The following MAP7 variants were observed in gnomAD, a reference collection of about 807,000 sequenced individuals.
MAP7 encodes the protein microtubule associated protein 7, also known as ensconsin.
A neutral mutation model predicts 94.8 loss-of-function variants in MAP7; 52 were observed. The observed-to-expected ratio is 0.55, with a 90% CI of 0.44 to 0.69. The LOEUF is 0.69. Among genes scored for constraint, MAP7 ranks in the 30% least tolerant of loss-of-function variants. MAP7 has a pLI of 0.00. For synonymous variants in MAP7, 350 were observed against 357.0 expected (o/e 0.98, Z 0.22); for missense variants, 940 against 964.6 (o/e 0.97, Z 0.34).
chr6:136,522,253 CG>C (rs1230297242), intron 1 of MAP7, among the ~76,000 whole-genome samples: 1 of 152,076 alleles, frequency 6.6e-6, no homozygotes, highest in Non-Finnish European at 1.5e-5. Context: ...AAGCCCAGCT[CG>C]CTCCCAGTGA....
intron 1 of MAP7, among the ~76,000 whole-genome samples, chr6:136,449,567 C>T (rs1400611991): frequency 6.6e-6 from 1 of 152,220 alleles, no homozygotes; most frequent in Non-Finnish European, 1.5e-5. Context: ...GAACAGCTGG[C>T]TGCTGTGATT....
At chr6:136,421,653 C>T in intron 2 of MAP7, 48 bp downstream of exon 2, 1 of 1,489,752 alleles carries the variant, frequency 6.7e-7, no homozygotes, top group Non-Finnish European at 9.4e-7. Flanking sequence ...GCCTTTAGGG[C>T]ATAAAAGATA....
intron 7 of MAP7, among the ~76,000 whole-genome samples, chr6:136,373,627 T>G (rs908855487): frequency 2.6e-5 from 4 of 152,228 alleles, no homozygotes; most frequent in Admixed American, 6.5e-5. Flanking sequence ...TTTTCAGATC[T>G]CATTCAGAAA....
rs150711725 is a variant in MAP7, at chr6:136,527,242, A to T, written c.67+23100T>A. 5.3e-5 allele frequency among the ~76,000 whole-genome samples: 8 copies of T among 152,162 alleles called. No homozygotes were observed. The East Asian group carries it at 1.5e-3, about 29-fold the overall frequency. On this transcript the variant is annotated intron_variant, in intron 1 of 17. Coordinates refer to ENST00000354570, the MANE Select transcript of MAP7 (RefSeq NM_003980.6). ...CTGAAATAAGCTATCTCACTTTAAG[A>T]CTCTCCACTTCTAGACTGCTTAAAA...
chr6:136,400,124 A>G (rs1318680635), intron 3 of MAP7, among the ~76,000 whole-genome samples: 1 of 152,152 alleles, frequency 6.6e-6, no homozygotes, highest in Non-Finnish European at 1.5e-5. Flanking sequence ...TTTTAAAAAA[A>G]GGGGAAAATA....
intron 1 of MAP7, among the ~76,000 whole-genome samples, chr6:136,491,787 C>T (rs1331603270): frequency 6.6e-6 from 1 of 152,088 alleles, no homozygotes; most frequent in Non-Finnish European, 1.5e-5. Context: ...TAATCCTGCC[C>T]ACGTGATTGG....
At chr6:136,541,622 A>G (rs1182816820) in intron 1 of MAP7, among the ~76,000 whole-genome samples, 1 of 152,194 alleles carries the variant, frequency 6.6e-6, no homozygotes, top group Non-Finnish European at 1.5e-5. Context: ...CCTCTGTGCC[A>G]TCTGGTCAGG....
rs1554257991 is a variant in MAP7, at chr6:136,449,018, A to AG, written c.68-27220_68-27219insC. Among the ~76,000 whole-genome samples, 91 of 143,598 alleles carry AG rather than the reference A, an allele frequency of 6.3e-4. 1 individual carries two copies. The highest frequency in any genetic ancestry group is 6.5e-4 in the Non-Finnish European group (43 of 66,210). The allele number at this position is 143,598 out of a possible 152,430, so 94.2% of individuals were successfully genotyped here. On this transcript the variant is annotated intron_variant, in intron 1 of 17. Transcript: ENST00000354570. ...CAGTGGTGTTAAAAAAAAAAAAAAA[A>AG]AAGAAGCAAGCCAGGCACAGTGGCT...
intron 17 of MAP7, among the ~76,000 whole-genome samples, chr6:136,345,603 TGACA>T (rs1352753190): frequency 6.6e-6 from 1 of 152,216 alleles, no homozygotes; most frequent in Non-Finnish European, 1.5e-5. Flanking sequence ...GCAGAGAGGC[TGACA>T]GACACCCACT....
In MAP7 at chr6:136,361,187, AAG is replaced by A. The variant is rs1221307713; in HGVS notation, c.1527-10_1527-9del. On this transcript the variant is annotated splice_polypyrimidine_tract_variant and intron_variant, in intron 11 of 17. Coordinates refer to ENST00000354570, the MANE Select transcript of MAP7 (RefSeq NM_003980.6). ...AATTCCTCTCTCTTTTGTCTGGAAA[AAG>A]ACAGAACAAAACCAAAACCAAAGAC... The A allele has an allele frequency of 1.9e-6, 3 of 1,601,338 alleles. No homozygotes were observed. The highest frequency in any genetic ancestry group is 1.6e-4 in the Middle Eastern group (1 of 6,082).
chr6:136,401,981 C>G (rs945200843), intron 3 of MAP7, among the ~76,000 whole-genome samples: 11 of 152,190 alleles, frequency 7.2e-5, no homozygotes, highest in Non-Finnish European at 1.3e-4. Context: ...CCTCAAGAAA[C>G]AGACCTGAAG....
intron 2 of MAP7, among the ~76,000 whole-genome samples, chr6:136,416,863 A>G (rs1169278592): frequency 1.3e-5 from 2 of 151,960 alleles, no homozygotes; most frequent in Non-Finnish European, 2.9e-5. Flanking sequence ...TGTAATCCCA[A>G]CACTTTGGGA....
intron 1 of MAP7, among the ~76,000 whole-genome samples, chr6:136,511,049 T>A (rs1341371778): frequency 6.6e-6 from 1 of 152,066 alleles, no homozygotes; most frequent in Non-Finnish European, 1.5e-5. Context: ...CAAGTGAAGG[T>A]CATGCAGCAT....
rs5880296 is a variant in MAP7, at chr6:136,462,954, C to CAAAA, written c.68-41159_68-41156dup. ...TGGGCGACAGAGTGAGATCCTATCT[C>CAAAA]AAAAAAAAAAAAAAAAGAAAACAAA... On this transcript the variant is annotated intron_variant, in intron 1 of 17. Transcript: ENST00000354570. Among the ~76,000 whole-genome samples, 4 of 124,900 alleles carry CAAAA rather than the reference C, an allele frequency of 3.2e-5. 1 individual carries two copies. In the South Asian group the frequency reaches 7.7e-4, roughly 24 times the overall value. 81.9% of individuals were successfully genotyped at this position (124,900 alleles called of 152,430 possible).
rs971996058 is a variant in MAP7 at position 136,550,010 on chromosome 6, C to A, written c.67+332G>T. On this transcript the variant is annotated intron_variant, in intron 1 of 17. Coordinates refer to ENST00000354570, the MANE Select transcript of MAP7 (RefSeq NM_003980.6). This position sits in a 1 kb window ranked among gnomAD's most constrained non-coding sequence, Gnocchi z 5.1. The stretch of plus-strand genomic sequence containing the variant: ...CGATTTCCCATTCAACTGAATTAGA[C>A]CCGAGGCCGCGGCGGGGAGGGCAGC... 2.0e-5 allele frequency among the ~76,000 whole-genome samples: 3 copies of A among 152,144 alleles called. No homozygotes were observed. The highest frequency in any genetic ancestry group is 2.4e-5 in the African/African-American group (1 of 41,454).
chr6:136,345,889 G>A lies in MAP7; in HGVS notation c.2206C>T (p.Gln736Ter), dbSNP rs199568320. 12 of 1,614,028 alleles carry A rather than the reference G, an allele frequency of 7.4e-6. No individual in the cohort carries two copies. Among genetic ancestry groups the A allele is most frequent in the Non-Finnish European group, 5.9e-6 (7 of 1,180,032 alleles). The change falls in exon 17 of 18, where the codon CAG (glutamine) becomes TAG (stop). Residue 736 changes from glutamine to a stop codon, truncating the protein, a stop_gained. Transcript: ENST00000354570. LOFTEE classifies it high-confidence loss of function. ...DDEGTLGPLP[Q>*]VDGVQTQQTA... Reference sequence around the variant, plus strand: ...TGCTGTGTCTGAACACCATCTACCTGAGGCAGGGGCCCAAGTGTCCCTTCA... The same window carrying A: ...TGCTGTGTCTGAACACCATCTACCTAAGGCAGGGGCCCAAGTGTCCCTTCA...
intron 1 of MAP7, among the ~76,000 whole-genome samples, chr6:136,430,858 C>T (rs1352287645): frequency 6.6e-6 from 1 of 152,112 alleles, no homozygotes; most frequent in Non-Finnish European, 1.5e-5. Flanking sequence ...GCTTACAGCA[C>T]AATTGAGCAG....
chr6:136,430,643 G>A (rs1054293418), intron 1 of MAP7, among the ~76,000 whole-genome samples: 2 of 152,126 alleles, frequency 1.3e-5, no homozygotes, highest in Admixed American at 6.5e-5. Context: ...GGTTCTGAAC[G>A]TTTATTCCAA....
At chr6:136,373,150 CA>C (rs574359319) in intron 7 of MAP7, among the ~76,000 whole-genome samples, 2 of 152,114 alleles carry the variant, frequency 1.3e-5, no homozygotes, top group Non-Finnish European at 2.9e-5. Context: ...CAACAGCCAG[CA>C]GGGGAAAAAA....
Sources: allele counts gnomAD v4.1 joint callset (sites outside exome capture counted in the v4.1 genomes callset), GRCh38; gene constraint gnomAD v4.1.1; non-coding constraint Gnocchi (gnomAD v3.1); transcripts MANE v1.5; gene names NCBI Gene and HGNC (gene_info 2026-07-23, HGNC 2026-07-21).